The following RAPGEF5 variants were observed in gnomAD, a reference collection of about 807,000 sequenced individuals.
RAPGEF5 encodes the protein M-Ras-regulated GEF.
In RAPGEF5, 65 loss-of-function variants were observed where a neutral mutation model predicts 125.2. The ratio of observed to expected loss-of-function variants is 0.52; its 90% CI spans 0.43 to 0.64. The LOEUF (loss-of-function observed/expected upper bound fraction) is 0.64. Ranked by LOEUF, RAPGEF5 falls within the 30% of genes least tolerant of loss-of-function variation. The probability of loss-of-function intolerance (pLI) is 0.00; values close to 1 mark genes in which losing one functional copy is unlikely to be tolerated. For synonymous variants in RAPGEF5, 391 were observed against 385.9 expected, an observed-to-expected ratio of 1.01 and a Z score of -0.16; for missense variants, 958 against 1,048.1, an observed-to-expected ratio of 0.91 and a Z score of 1.19.
chr7:22,324,477 T>C (rs968930290), intron 1 of RAPGEF5, among the ~76,000 whole-genome samples: 1 of 152,196 alleles, frequency 6.6e-6, no homozygotes, highest in Non-Finnish European at 1.5e-5. Context: ...GTGCTGGTTT[T>C]GACAATTGTG....
intron 17 of RAPGEF5, among the ~76,000 whole-genome samples, chr7:22,152,771 T>C (rs749988550): frequency 1.3e-5 from 2 of 152,354 alleles, no homozygotes; most frequent in African/African-American, 4.8e-5. Flanking sequence ...AGGATTGCAT[T>C]AAGCTTTTGA....
chr7:22,142,366 T>C (rs987083224), intron 20 of RAPGEF5, among the ~76,000 whole-genome samples: 2 of 152,238 alleles, frequency 1.3e-5, no homozygotes, highest in Non-Finnish European at 2.9e-5. Flanking sequence ...GATTTTATCA[T>C]TATTCATTAT....
At chr7:22,123,107 G>A (rs1402215488) in intron 25 of RAPGEF5, among the ~76,000 whole-genome samples, 3 of 152,146 alleles carry the variant, frequency 2.0e-5, no homozygotes, top group Non-Finnish European at 1.5e-5. Flanking sequence ...CTAAGATGTG[G>A]TTAACAGACG....
chr7:22,158,492 TG>T (rs1429099219), intron 14 of RAPGEF5, among the ~76,000 whole-genome samples: 1 of 152,170 alleles, frequency 6.6e-6, no homozygotes, highest in African/African-American at 2.4e-5. Context: ...GTATCAATCT[TG>T]CTCTCAGAAA....
chr7:22,235,175 G>T (rs545600057), intron 7 of RAPGEF5, among the ~76,000 whole-genome samples: 1 of 152,302 alleles, frequency 6.6e-6, no homozygotes, highest in African/African-American at 2.4e-5. Flanking sequence ...ACTCTGCCAA[G>T]AACTAAAGTT....
chr7:22,335,699 AAAAAAC>A (rs1191150572), intron 1 of RAPGEF5, among the ~76,000 whole-genome samples: 4 of 128,292 alleles, frequency 3.1e-5, no homozygotes, highest in South Asian at 2.3e-4. Flanking sequence ...AGCAAAAAAA[AAAAAAC>A]AACAAAACAA....
chr7:22,297,478 T>C (rs1783088904), intron 5 of RAPGEF5, among the ~76,000 whole-genome samples: 2 of 152,114 alleles, frequency 1.3e-5, no homozygotes, highest in Admixed American at 1.3e-4. Flanking sequence ...TCTAGGAGAC[T>C]GAATATACCA....
chr7:22,150,619 TA>T, intron 17 of RAPGEF5, 115 bp from the exon 18 acceptor site: 1 of 1,350,364 alleles, frequency 7.4e-7, no homozygotes, highest in Non-Finnish European at 9.7e-7. Context: ...TACTTAAAAG[TA>T]AATAGAACTT....
intron 1 of RAPGEF5, among the ~76,000 whole-genome samples, chr7:22,326,782 G>T (rs370181874): frequency 1.3e-5 from 2 of 152,242 alleles, no homozygotes; most frequent in Non-Finnish European, 2.9e-5. Context: ...AATTATACAA[G>T]ATACACTATA....
Position 22,335,554 on chromosome 7 carries a change from A to T in RAPGEF5, c.232-17517T>A, listed in dbSNP as rs138544765. On this transcript the variant is annotated intron_variant, in intron 1 of 25. Coordinates refer to ENST00000665637, the MANE Select transcript of RAPGEF5 (RefSeq NM_012294.5). ...GGCACTGGGCAGGTGCAGCCTGGGG[A>T]CAAGGTGGGGTGGGTGGGGCATCTA... 3.5e-3 allele frequency among the ~76,000 whole-genome samples: 534 copies of T among 152,122 alleles called. 7 individuals carry two copies. Among genetic ancestry groups the T allele is most frequent in the African/African-American group, 0.013 (522 of 41,484 alleles).
In RAPGEF5 at chr7:22,120,848, A is replaced by C. The variant is rs1002682215; in HGVS notation, c.*1558T>G. The stretch of plus-strand genomic sequence containing the variant: ...CAAGCTCAGTGTGGTTCCTGAGCCC[A>C]GGAAACAGCACTGCTATAAAGATGT... On this transcript the variant is annotated 3_prime_UTR_variant, in exon 26 of 26. Transcript: ENST00000665637. The surrounding 1 kb of genome is among the most constrained non-coding windows in gnomAD (Gnocchi z 4.0). The C allele has an allele frequency of 6.6e-5, 10 of 152,240 alleles. No homozygotes were observed. Among genetic ancestry groups the C allele is most frequent in the African/African-American group, 2.4e-4 (10 of 41,462 alleles). 9.4% of individuals were successfully genotyped at this position (152,240 alleles called of 1,614,324 possible).
At chr7:22,197,893 T>TG (rs56101457) in intron 9 of RAPGEF5, among the ~76,000 whole-genome samples, 3,081 of 116,248 alleles carry the variant, frequency 0.027, 100 homozygotes, top group African/African-American at 0.041. Flanking sequence ...TCTTTTTTTT[T>TG]GGGGGGGGGT....
chr7:22,257,763 ATGTAT>A (rs550324191), intron 7 of RAPGEF5, among the ~76,000 whole-genome samples: 1 of 152,178 alleles, frequency 6.6e-6, no homozygotes, highest in Non-Finnish European at 1.5e-5. Context: ...TGTTTCCCAA[ATGTAT>A]TGTAGTTCAG....
At chr7:22,295,230 C>A (rs909466287) in intron 5 of RAPGEF5, among the ~76,000 whole-genome samples, 9 of 152,174 alleles carry the variant, frequency 5.9e-5, no homozygotes, top group Admixed American at 5.9e-4. Context: ...ACATTGTTCA[C>A]CTTCTCAAGA....
chr7:22,157,835 G>A lies in RAPGEF5; in HGVS notation c.1557+20C>T, dbSNP rs367949755. 2.3e-4 allele frequency: 368 copies of A among 1,605,672 alleles called. No individual in the cohort carries two copies. Among genetic ancestry groups the A allele is most frequent in the Non-Finnish European group, 3.1e-4 (358 of 1,172,594 alleles). On this transcript the variant is annotated intron_variant, in intron 15 of 25. Coordinates refer to ENST00000665637, the MANE Select transcript of RAPGEF5 (RefSeq NM_012294.5). ...TCCAAACCGGATCACCTAATTTTAG[G>A]TATAGAAGCATCTGCTTACCTTTTT...
chr7:22,356,230 G>C (rs1358639946), intron 1 of RAPGEF5: 1 of 985,346 alleles, frequency 1.0e-6, no homozygotes, highest in Admixed American at 6.1e-5. Context: ...AATATTGAAG[G>C]TTCTTGGGGG....
chr7:22,284,707 T>C (rs1562507965), intron 6 of RAPGEF5, among the ~76,000 whole-genome samples: 1 of 152,206 alleles, frequency 6.6e-6, no homozygotes, highest in African/African-American at 2.4e-5. Flanking sequence ...GTAACTTTTA[T>C]TCTTTGAATA....
chr7:22,315,935 C>A (rs932376349), intron 2 of RAPGEF5, among the ~76,000 whole-genome samples: 1 of 152,068 alleles, frequency 6.6e-6, no homozygotes, highest in Non-Finnish European at 1.5e-5. Context: ...GTGAACATCT[C>A]GAACCATGAC....
Position 22,157,837 on chromosome 7 carries a change from A to G in RAPGEF5, c.1557+18T>C, listed in dbSNP as rs1322442598. On this transcript the variant is annotated intron_variant, in intron 15 of 25. Transcript: ENST00000665637. ...CAAACCGGATCACCTAATTTTAGGT[A>G]TAGAAGCATCTGCTTACCTTTTTTT... 1.9e-6 allele frequency: 3 copies of G among 1,607,094 alleles called. No homozygotes were observed. The highest frequency in any genetic ancestry group is 1.7e-5 in the Admixed American group (1 of 59,970).
Sources: allele counts gnomAD v4.1 joint callset (sites outside exome capture counted in the v4.1 genomes callset), GRCh38; gene constraint gnomAD v4.1.1; non-coding constraint Gnocchi (gnomAD v3.1); transcripts MANE v1.5; gene names NCBI Gene and HGNC (gene_info 2026-07-23, HGNC 2026-07-21).